ANKRD30BL: variants seen among roughly 807,000 people sequenced by gnomAD.
The protein encoded by ANKRD30BL is ankyrin repeat domain 30B like, also known as putative ankyrin repeat domain-containing protein 30B-like.
In ANKRD30BL, 20 loss-of-function variants were observed where a neutral mutation model predicts 18.4. That is an observed-to-expected ratio of 1.09 (90% CI 0.77 to 1.58). ANKRD30BL has a LOEUF of 1.58. Among genes scored for constraint, ANKRD30BL ranks in the 40% most tolerant of loss-of-function variants. The probability of loss-of-function intolerance (pLI) is 0.00; values close to 1 mark genes in which losing one functional copy is unlikely to be tolerated. For missense variants in ANKRD30BL, 224 were observed against 268.6 expected (o/e 0.83, Z 1.16); for synonymous variants, 72 against 100.9 (o/e 0.71, Z 1.72).
intron 1 of ANKRD30BL, among the ~76,000 whole-genome samples, chr2:132,219,401 G>C (rs1038296945): frequency 3.3e-5 from 5 of 151,842 alleles, no homozygotes; most frequent in Non-Finnish European, 7.3e-5. Context: ...TCTTTAGATA[G>C]AGCAGGTTTG....
At chr2:132,252,782 C>A (rs1243870516) in intron 1 of ANKRD30BL, among the ~76,000 whole-genome samples, 1 of 152,124 alleles carries the variant, frequency 6.6e-6, no homozygotes, top group Non-Finnish European at 1.5e-5. Context: ...GGACCTTCCA[C>A]CCCGCCAGGG....
At chr2:132,216,027 A>G (rs1176699024) in intron 1 of ANKRD30BL, among the ~76,000 whole-genome samples, 1 of 151,390 alleles carries the variant, frequency 6.6e-6, no homozygotes, top group Non-Finnish European at 1.5e-5. Context: ...ATGGTGGAAA[A>G]GGAAATATCT....
chr2:132,237,170 A>G (rs1680172957), intron 1 of ANKRD30BL, among the ~76,000 whole-genome samples: 1 of 152,036 alleles, frequency 6.6e-6, no homozygotes, highest in South Asian at 2.1e-4. Flanking sequence ...GATATACCTA[A>G]TGCTAGAAGA....
chr2:132,197,018 A>G (rs1188642392), intron 1 of ANKRD30BL, among the ~76,000 whole-genome samples: 2 of 152,228 alleles, frequency 1.3e-5, no homozygotes, highest in Admixed American at 1.3e-4. Context: ...TGGAGAAGTC[A>G]TATTTAAGGA....
At chr2:132,153,186 G>A (rs1413998998) in intron 4 of ANKRD30BL, among the ~76,000 whole-genome samples, 4 of 152,106 alleles carry the variant, frequency 2.6e-5, no homozygotes, top group African/African-American at 9.7e-5. Context: ...TGTACAAAAG[G>A]AATGTCTTCC....
At chr2:132,245,263 G>A (rs1478922086) in intron 1 of ANKRD30BL, among the ~76,000 whole-genome samples, 5 of 152,220 alleles carry the variant, frequency 3.3e-5, no homozygotes, top group Non-Finnish European at 7.3e-5. Flanking sequence ...GCTGTAAACG[G>A]GAATATCTTC....
Position 132,161,608 on chromosome 2 carries a change from A to G in ANKRD30BL, c.98T>C (p.Val33Ala). 1 of 1,453,740 alleles carries G rather than the reference A, an allele frequency of 6.9e-7. No homozygotes were observed. The highest frequency in any genetic ancestry group is 9.4e-7 in the Non-Finnish European group (1 of 1,060,716). The allele number at this position is 1,453,740 out of a possible 1,614,324, so 90.1% of individuals were successfully genotyped here. ...QLVYTNNDSY[V>A]IHHGDLRKIH... ...CTTCCTGAGATCCCCATGGTGAATCACGTAAGAGTCGTTGTTGGTGTAGAC... is the reference window on the plus strand; with the variant it reads ...CTTCCTGAGATCCCCATGGTGAATCGCGTAAGAGTCGTTGTTGGTGTAGAC... The change falls in exon 1 of 6, where the codon GTG becomes GCG. Residue 33 changes from valine (V) to alanine (A), a missense_variant. Coordinates refer to ENST00000409867, the MANE Select transcript of ANKRD30BL (RefSeq NM_001358416.1).
At chr2:132,234,022 A>G (rs1680087185) in intron 1 of ANKRD30BL, among the ~76,000 whole-genome samples, 1 of 152,170 alleles carries the variant, frequency 6.6e-6, no homozygotes. Context: ...AGAACTCAGG[A>G]TTAAGAATCT....
rs150988355 is a variant in ANKRD30BL at position 132,224,440 on chromosome 2, C to T, written n.441+33089G>A. Among the ~76,000 whole-genome samples, 8 of 151,142 alleles carry T rather than the reference C, an allele frequency of 5.3e-5. 1 individual carries two copies. Among genetic ancestry groups the T allele is most frequent in the East Asian group, 2.0e-4 (1 of 5,082 alleles). On this transcript the variant is annotated intron_variant and non_coding_transcript_variant, in intron 1 of 4. Transcript: ENST00000470729. ...AGAATCTGCAAGTGGATATTTGGAC[C>T]GCTTTGAGGCCTTTGTTGGAAACGG...
chr2:132,252,228 C>T (rs373411621), intron 1 of ANKRD30BL, among the ~76,000 whole-genome samples: 13 of 152,270 alleles, frequency 8.5e-5, no homozygotes, highest in Admixed American at 7.2e-4. Flanking sequence ...GCCACCCCTA[C>T]AGTGGCTGCG....
chr2:132,221,949 C>T (rs1244086683), intron 1 of ANKRD30BL, among the ~76,000 whole-genome samples: 4 of 131,616 alleles, frequency 3.0e-5, no homozygotes, highest in African/African-American at 1.3e-4. Flanking sequence ...GCCAGCCGCC[C>T]CGTCCGGGAG....
chr2:132,216,166 G>A (rs191375186), intron 1 of ANKRD30BL, among the ~76,000 whole-genome samples: 2 of 151,918 alleles, frequency 1.3e-5, no homozygotes, highest in African/African-American at 4.8e-5. Context: ...TGTGGCATAT[G>A]GTGGAAAAGG....
chr2:132,193,958 C>A (rs922105420), intron 1 of ANKRD30BL, among the ~76,000 whole-genome samples: 1 of 151,760 alleles, frequency 6.6e-6, no homozygotes, highest in Non-Finnish European at 1.5e-5. Flanking sequence ...TACGTCACCA[C>A]TGGGGCAGGA....
At chr2:132,190,449 T>C (rs1678823793) in intron 1 of ANKRD30BL, among the ~76,000 whole-genome samples, 1 of 150,826 alleles carries the variant, frequency 6.6e-6, no homozygotes, top group Admixed American at 6.6e-5. Flanking sequence ...GTAGGAAGAG[T>C]CAAATGAAAC....
chr2:132,197,391 A>G (rs1678990454), intron 1 of ANKRD30BL, among the ~76,000 whole-genome samples: 1 of 152,134 alleles, frequency 6.6e-6, no homozygotes, highest in Admixed American at 6.5e-5. Flanking sequence ...CTAGTTTGAA[A>G]TGATTTCTTC....
intron 1 of ANKRD30BL, among the ~76,000 whole-genome samples, chr2:132,204,402 C>A (rs1182324554): frequency 6.6e-6 from 1 of 151,136 alleles, no homozygotes; most frequent in Non-Finnish European, 1.5e-5. Flanking sequence ...AAATATATAG[C>A]ATATATATAT....
Position 132,241,601 on chromosome 2 carries a change from C to T in ANKRD30BL, n.441+15928G>A, listed in dbSNP as rs1192923442. 3.3e-5 allele frequency among the ~76,000 whole-genome samples: 5 copies of T among 151,072 alleles called. No homozygotes were observed. The East Asian group carries it at 7.8e-4, about 24-fold the overall frequency. On this transcript the variant is annotated intron_variant and non_coding_transcript_variant, in intron 1 of 4. Transcript: ENST00000470729. ...ACCCAGTTGAAGCTTTCTTTTGATA[C>T]AGCAGTTTTGAATCACTCTTTTTGT...
At chr2:132,222,155 C>A (rs965046705) in intron 1 of ANKRD30BL, among the ~76,000 whole-genome samples, 89 of 148,270 alleles carry the variant, frequency 6.0e-4, no homozygotes, top group African/African-American at 1.6e-3. Context: ...CCGGCCACCC[C>A]TACTGGGAAG....
In ANKRD30BL at chr2:132,157,910, T is replaced by A. The variant is rs188767389; in HGVS notation, c.219-487A>T. ...TTAAGTAAAATGGTACAATTATGCC[T>A]AATTTGTGGTATGTTTTAAAGGTTA... On this transcript the variant is annotated intron_variant, in intron 1 of 5. Transcript: ENST00000409867. Among the ~76,000 whole-genome samples the A allele has an allele frequency of 3.9e-5, 6 of 152,340 alleles. No homozygotes were observed. In the East Asian group the frequency reaches 1.2e-3, roughly 29 times the overall value.
Sources: gnomAD v4.1 joint callset for allele counts (sites outside exome capture counted in the v4.1 genomes callset) on GRCh38, gnomAD v4.1.1 for gene constraint, MANE v1.5 for transcripts, NCBI Gene and HGNC (gene_info 2026-07-23, HGNC 2026-07-21) for gene names.